Variants in RFX6 observed in about 807,000 individuals in gnomAD.
The protein encoded by RFX6 is DNA-binding protein RFX6.
RFX6 carries 50 observed loss-of-function variants against 110.8 expected under a neutral mutation model. The observed-to-expected ratio is 0.45, with a 90% CI of 0.36 to 0.57. The LOEUF (loss-of-function observed/expected upper bound fraction) is 0.57, where lower values mean the gene tolerates loss of function less well. RFX6 is among the 20% of genes least tolerant of loss of function. RFX6 has a pLI of 0.00. For synonymous variants in RFX6, 383 were observed against 411.2 expected (o/e 0.93, Z 0.83); for missense variants, 990 against 1,127.0 (o/e 0.88, Z 1.74).
intron 4 of RFX6, 52 bp downstream of exon 4, chr6:116,882,480 C>A: frequency 7.9e-7 from 1 of 1,264,388 alleles, no homozygotes; most frequent in Non-Finnish European, 1.2e-6. Flanking sequence ...TGAAGATTGA[C>A]ACAGATGTAA....
At chr6:116,916,177 A>G in intron 8 of RFX6, 24 bp from the exon 9 acceptor site, 2 of 1,587,546 alleles carry the variant, frequency 1.3e-6, no homozygotes, top group South Asian at 1.1e-5. Flanking sequence ...AAAAATCTTA[A>G]CATACTTTTT....
chr6:116,885,609 T>C (rs2114665256), intron 4 of RFX6, among the ~76,000 whole-genome samples: 1 of 152,308 alleles, frequency 6.6e-6, no homozygotes, highest in East Asian at 1.9e-4. Context: ...AAGTTTATGT[T>C]TTATCTGCTA....
chr6:116,917,879 T>C (rs1395896308), intron 9 of RFX6, among the ~76,000 whole-genome samples, 158 bp from the exon 10 acceptor site: 1 of 152,148 alleles, frequency 6.6e-6, no homozygotes. Context: ...ACACAACTCA[T>C]ACATACATTC....
chr6:116,927,251 C>G lies in RFX6; in HGVS notation c.2110C>G (p.Gln704Glu). 1 of 1,614,208 alleles carries G rather than the reference C, an allele frequency of 6.2e-7. No homozygotes were observed. Among genetic ancestry groups the G allele is most frequent in the Non-Finnish European group, 8.5e-7 (1 of 1,180,036 alleles). The stretch of plus-strand genomic sequence containing the variant: ...CTTTTATAGCACCAGCTCTAACTAC[C>G]AGACTGTGTTTAGGGCACAGCCCCA... ...HDFYSTSSNY[Q>E]TVFRAQPHST... is the part of the protein sequence containing the mutation. The change falls in exon 17 of 19, where the codon CAG becomes GAG. Residue 704 changes from glutamine to glutamate, a missense_variant. Transcript: ENST00000332958.
chr6:116,900,548 C>G (rs910372665), intron 6 of RFX6, among the ~76,000 whole-genome samples: 1 of 151,790 alleles, frequency 6.6e-6, no homozygotes, highest in African/African-American at 2.4e-5. Context: ...AGCCACCGTG[C>G]CCGGCCTTGA....
rs1775811349 is a variant in RFX6, at chr6:116,928,771, G to A, written c.2411G>A (p.Ser804Asn). 6.2e-7 allele frequency: 1 copy of A among 1,611,548 alleles called. No individual in the cohort carries two copies. The highest frequency in any genetic ancestry group is 8.5e-7 in the Non-Finnish European group (1 of 1,177,778). ...PPNSPNGYYGSNINYPESHRL... is the reference protein window; with the variant it reads ...PPNSPNGYYGNNINYPESHRL... ...TTTTCTGTTACAGGATACTATGGAA[G>A]CAACATAAACTACCCAGAGTCTCAC... is the stretch of plus-strand genomic sequence containing the variant. Residue 804 changes from serine to asparagine, a missense_variant, in exon 18 of 19, where the codon AGC becomes AAC. Around this residue, in one of 5 missense-constraint regions of RFX6, gnomAD observed 438 missense variants for 441.9 expected, o/e 0.99. Coordinates refer to ENST00000332958, the MANE Select transcript of RFX6 (RefSeq NM_173560.4).
Position 116,925,606 on chromosome 6 carries a change from G to A in RFX6, c.1832G>A (p.Gly611Asp). 1 of 1,614,040 alleles carries A rather than the reference G, an allele frequency of 6.2e-7. No homozygotes were observed. The highest frequency in any genetic ancestry group is 1.1e-5 in the South Asian group (1 of 91,076). ...CCATCCAGTCAACCTGGAGGCCTAG[G>A]CCCTGCTCTGCACCAGTTCCCTGCT... Reference protein sequence around the residue: ...PLPSSQPGGLGPALHQFPAGN... With the variant: ...PLPSSQPGGLDPALHQFPAGN... The change falls in exon 16 of 19, where the codon GGC becomes GAC. Residue 611 changes from glycine (G) to aspartate (D), a missense_variant. Gly to Asp is a moderately conservative substitution (Grantham distance 94). This residue lies in a region of RFX6 where 438 missense variants were observed against 441.9 expected (regional missense o/e 0.99). Transcript: ENST00000332958.
Position 116,877,931 on chromosome 6 carries a change from A to C in RFX6, c.359A>C (p.Gln120Pro), listed in dbSNP as rs1288121682. Residue 120 changes from glutamine (Q) to proline (P), a missense_variant, in exon 2 of 19, where the codon CAG (glutamine) becomes CCG (proline). Gln to Pro is a moderately conservative substitution (Grantham distance 76). Coordinates refer to ENST00000332958, the MANE Select transcript of RFX6 (RefSeq NM_173560.4). The part of the protein sequence containing the change: ...ITQIVKDKKK[Q>P]TQLTLQWLEE... ...CAGATTGTGAAGGATAAAAAGAAGC[A>C]GACACAGCTCACGCTGCAGTGGTGA... The C allele has an allele frequency of 1.2e-6, 2 of 1,614,182 alleles. No homozygotes were observed. The highest frequency in any genetic ancestry group is 2.2e-5 in the South Asian group (2 of 91,082).
intron 4 of RFX6, among the ~76,000 whole-genome samples, chr6:116,888,585 A>G (rs1450040930): frequency 6.6e-6 from 1 of 152,184 alleles, no homozygotes; most frequent in African/African-American, 2.4e-5. Context: ...GAAATGGATA[A>G]TAATCATATA....
At chr6:116,906,863 T>G (rs1324484681) in intron 6 of RFX6, among the ~76,000 whole-genome samples, 4 of 149,908 alleles carry the variant, frequency 2.7e-5, no homozygotes, top group African/African-American at 7.3e-5. Flanking sequence ...TTTTTTTGTT[T>G]TTTTTTTTTT....
Position 116,877,959 on chromosome 6 carries a change from C to G in RFX6, c.380+7C>G, listed in dbSNP as rs757785283. On this transcript the variant is annotated splice_region_variant and intron_variant, in intron 2 of 18. Coordinates refer to ENST00000332958, the MANE Select transcript of RFX6 (RefSeq NM_173560.4). ...CACAGCTCACGCTGCAGTGGTGAGA[C>G]TCGCCCGCAGGGTACACTGAAGCAC... 23 of 1,613,712 alleles carry G rather than the reference C, an allele frequency of 1.4e-5. No individual in the cohort carries two copies. The highest frequency in any genetic ancestry group is 1.8e-5 in the Non-Finnish European group (21 of 1,179,626).
chr6:116,901,559 A>G (rs1251792746), intron 6 of RFX6, among the ~76,000 whole-genome samples: 2 of 152,206 alleles, frequency 1.3e-5, no homozygotes, highest in African/African-American at 4.8e-5. Flanking sequence ...CAGGATAAAC[A>G]AAGAATGACT....
At chr6:116,906,958 A>G (rs937406012) in intron 6 of RFX6, among the ~76,000 whole-genome samples, 6 of 151,688 alleles carry the variant, frequency 4.0e-5, no homozygotes, top group Non-Finnish European at 7.4e-5. Flanking sequence ...ATCTTTGAGG[A>G]AAAGCTTTCA....
In RFX6 at chr6:116,877,269, C is replaced by T. The variant is rs778016049; in HGVS notation, c.-7C>T. 9 of 1,605,464 alleles carry T rather than the reference C, an allele frequency of 5.6e-6. No homozygotes were observed. Among genetic ancestry groups the T allele is most frequent in the African/African-American group, 1.3e-5 (1 of 74,596 alleles). On this transcript the variant is annotated 5_prime_UTR_variant, in exon 1 of 19. Transcript: ENST00000332958. The stretch of plus-strand genomic sequence containing the variant: ...GGCGCGCGCGGAGGTGTCCGGCGGC[C>T]AGGAGGATGGCCAAGGTCCCGGAGC...
chr6:116,922,225 T>TC lies in RFX6; in HGVS notation c.1437+75dup. The TC allele has an allele frequency of 1.6e-5, 13 of 818,478 alleles. No individual in the cohort carries two copies. In the South Asian group the frequency reaches 1.8e-4, roughly 11 times the overall value. The allele number at this position is 818,478 out of a possible 1,614,324, so 50.7% of individuals were successfully genotyped here. A position where few individuals can be genotyped will look rare whatever the true frequency, so the allele number is the denominator to read the frequency against. ...ATGCTAAACTGGCTATAATTTTTTG[T>TC]CTGGGGGGAGAGGGGTGGAAGGCTG... On this transcript the variant is annotated intron_variant, in intron 13 of 18. Transcript: ENST00000332958.
rs1244512329 is a variant in RFX6, at chr6:116,931,645, T to G, written c.*139T>G. ...CATTGTTTTAAAGTCACTGGTACTA[T>G]GGACAACTCCATAGTGAATGGAGAT... On this transcript the variant is annotated 3_prime_UTR_variant, in exon 19 of 19. Transcript: ENST00000332958. 6.1e-6 allele frequency: 4 copies of G among 656,724 alleles called. No homozygotes were observed. In the East Asian group the frequency reaches 1.1e-4, roughly 18 times the overall value. The allele number at this position is 656,724 out of a possible 1,614,324, so 40.7% of individuals were successfully genotyped here.
intron 4 of RFX6, among the ~76,000 whole-genome samples, chr6:116,885,410 T>C (rs1303041903): frequency 1.3e-5 from 2 of 152,164 alleles, no homozygotes; most frequent in Non-Finnish European, 1.5e-5. Flanking sequence ...TTAGAAGTTA[T>C]TTACTGAGTA....
At chr6:116,922,249 T>C in intron 13 of RFX6, 98 bp downstream of exon 13, 1 of 744,104 alleles carries the variant, frequency 1.3e-6, no homozygotes. Flanking sequence ...GGTGGAAGGC[T>C]GTGTGTGTAA....
intron 4 of RFX6, among the ~76,000 whole-genome samples, chr6:116,885,343 C>T (rs1475242182): frequency 2.0e-5 from 3 of 152,180 alleles, no homozygotes; most frequent in Admixed American, 2.0e-4. Flanking sequence ...TGCTTTCAAC[C>T]GCACTATCCT....
Sources: allele counts gnomAD v4.1 joint callset (sites outside exome capture counted in the v4.1 genomes callset), GRCh38; gene constraint gnomAD v4.1.1; regional missense constraint gnomAD v4.1.1; transcripts MANE v1.5; gene names NCBI Gene and HGNC (gene_info 2026-07-23, HGNC 2026-07-21).